PPFIA2: variants seen among roughly 807,000 people sequenced by gnomAD.
The protein encoded by PPFIA2 is PPFI scaffold protein A2, also known as liprin-alpha-2.
In PPFIA2, 46 loss-of-function variants were observed where a neutral mutation model predicts 175.5. The observed-to-expected ratio is 0.26, with a 90% CI of 0.21 to 0.34. The LOEUF (loss-of-function observed/expected upper bound fraction) is 0.34. Among genes scored for constraint, PPFIA2 ranks in the 10% least tolerant of loss-of-function variants. The pLI is 1.00. For synonymous variants in PPFIA2, 568 were observed against 511.4 expected, an observed-to-expected ratio of 1.11 and a Z score of -1.49; for missense variants, 1,179 against 1,506.1, an observed-to-expected ratio of 0.78 and a Z score of 3.60.
At chr12:81,753,511 C>T (rs1050794266) in intron 3 of PPFIA2, among the ~76,000 whole-genome samples, 1 of 145,116 alleles carries the variant, frequency 6.9e-6, no homozygotes, top group African/African-American at 2.5e-5. Flanking sequence ...AATTTTAAAG[C>T]AGATATTAGG....
intron 4 of PPFIA2, among the ~76,000 whole-genome samples, chr12:81,595,132 A>G (rs938756731): frequency 6.6e-6 from 1 of 151,906 alleles, no homozygotes; most frequent in Non-Finnish European, 1.5e-5. Flanking sequence ...TTAGTAGAGC[A>G]AATAGATGGT....
intron 19 of PPFIA2, 23 bp downstream of exon 19, chr12:81,344,641 G>C (rs370570951): frequency 4.0e-6 from 6 of 1,510,900 alleles, no homozygotes; most frequent in Middle Eastern, 1.7e-4. Context: ...AATTCGTAAT[G>C]ATGTAAAAGT....
intron 4 of PPFIA2, among the ~76,000 whole-genome samples, chr12:81,527,292 A>C (rs896366654): frequency 6.6e-6 from 1 of 152,044 alleles, no homozygotes; most frequent in Admixed American, 6.6e-5. Context: ...TCCTAAGAAA[A>C]CATATTATTA....
chr12:81,645,098 C>T (rs2065877192), intron 4 of PPFIA2, among the ~76,000 whole-genome samples: 1 of 150,916 alleles, frequency 6.6e-6, no homozygotes, highest in South Asian at 2.1e-4. Context: ...AAACTAAGTA[C>T]AGAGGAGTCA....
intron 9 of PPFIA2, chr12:81,378,262 G>T: frequency 6.6e-6 from 1 of 151,686 alleles, no homozygotes; most frequent in African/African-American, 2.4e-5. Context: ...ATTTGTTATG[G>T]CAGGTTTACA....
chr12:81,442,667 A>G (rs1411915694), intron 6 of PPFIA2, among the ~76,000 whole-genome samples: 1 of 150,590 alleles, frequency 6.6e-6, no homozygotes, highest in Non-Finnish European at 1.5e-5. Flanking sequence ...CTATGCTACA[A>G]CTTGGTGGCT....
intron 6 of PPFIA2, among the ~76,000 whole-genome samples, chr12:81,440,344 G>C (rs1418680230): frequency 6.6e-6 from 1 of 151,958 alleles, no homozygotes; most frequent in East Asian, 1.9e-4. Flanking sequence ...ATAGTAAGTG[G>C]AGACAAAGTT....
chr12:81,275,779 C>CT (rs753332133), intron 28 of PPFIA2, among the ~76,000 whole-genome samples: 3,814 of 141,272 alleles, frequency 0.027, 68 homozygotes, highest in Non-Finnish European at 0.04. Flanking sequence ...ATATTTTCTT[C>CT]TTTTTTTTTT....
At chr12:81,318,967 T>C (rs2053052693) in intron 22 of PPFIA2, among the ~76,000 whole-genome samples, 1 of 151,756 alleles carries the variant, frequency 6.6e-6, no homozygotes, top group South Asian at 2.1e-4. Flanking sequence ...GTTCTATTAA[T>C]ATTAATCCAG....
intron 25 of PPFIA2, 72 bp from the exon 26 acceptor site, chr12:81,283,111 T>C: frequency 6.8e-7 from 1 of 1,460,552 alleles, no homozygotes. Context: ...ACAGTAAAAT[T>C]TTTCTAGCAG....
At chr12:81,292,727 T>G (rs1242709595) in intron 24 of PPFIA2, 1 of 152,070 alleles carries the variant, frequency 6.6e-6, no homozygotes, top group Non-Finnish European at 1.5e-5. Flanking sequence ...TTCTAGCTGA[T>G]TTTTTGACTG....
chr12:81,331,999 T>C (rs1466309484), intron 21 of PPFIA2, among the ~76,000 whole-genome samples: 4 of 152,210 alleles, frequency 2.6e-5, no homozygotes, highest in East Asian at 1.9e-4. Context: ...TAAGATGGTA[T>C]GGAGCAGTTA....
chr12:81,514,063 T>C (rs1312807408), intron 4 of PPFIA2, among the ~76,000 whole-genome samples: 4 of 152,000 alleles, frequency 2.6e-5, no homozygotes, highest in Admixed American at 2.6e-4. Flanking sequence ...CAGATTGATT[T>C]GGAATTGTTA....
chr12:81,599,632 T>A (rs906571125), intron 4 of PPFIA2, among the ~76,000 whole-genome samples: 2 of 152,034 alleles, frequency 1.3e-5, no homozygotes, highest in African/African-American at 2.4e-5. Context: ...ACTAAGAAAC[T>A]GATGTTAGTG....
intron 3 of PPFIA2, among the ~76,000 whole-genome samples, chr12:81,679,864 C>G (rs1485107901): frequency 6.6e-6 from 1 of 151,880 alleles, no homozygotes; most frequent in East Asian, 1.9e-4. Flanking sequence ...TGCATGGATA[C>G]ATTTATGTTG....
chr12:81,667,998 G>T (rs2070681302), intron 4 of PPFIA2, among the ~76,000 whole-genome samples: 1 of 152,010 alleles, frequency 6.6e-6, no homozygotes, highest in Admixed American at 6.6e-5. Context: ...CTATGTTCCA[G>T]GTGCCAAAAT....
intron 8 of PPFIA2, among the ~76,000 whole-genome samples, chr12:81,384,536 TTAAG>T (rs2038493955): frequency 2.0e-5 from 3 of 152,078 alleles, no homozygotes; most frequent in Non-Finnish European, 4.4e-5. Flanking sequence ...TCCTAAACAT[TTAAG>T]TGTTAGCTAC....
intron 4 of PPFIA2, among the ~76,000 whole-genome samples, chr12:81,639,212 A>G (rs892742307): frequency 6.6e-6 from 1 of 152,228 alleles, no homozygotes; most frequent in Non-Finnish European, 1.5e-5. Context: ...AAAAGCAATA[A>G]CAACTACCAG....
chr12:81,410,854 C>T (rs986524869), intron 7 of PPFIA2, among the ~76,000 whole-genome samples: 19 of 152,012 alleles, frequency 1.2e-4, no homozygotes, highest in Non-Finnish European at 4.4e-5. Context: ...GAAAGGGGTA[C>T]TCTTTGCCAT....
Sources: allele counts gnomAD v4.1 joint callset (sites outside exome capture counted in the v4.1 genomes callset), GRCh38; gene constraint gnomAD v4.1.1; transcripts MANE v1.5; gene names NCBI Gene and HGNC (gene_info 2026-07-23, HGNC 2026-07-21).